Variants in ATAD1 observed in about 807,000 individuals in gnomAD.
ATAD1 encodes the protein outer mitochondrial transmembrane helix translocase.
A neutral mutation model predicts 42.7 loss-of-function variants in ATAD1; 18 were observed. That is an observed-to-expected ratio of 0.42 (90% CI 0.29 to 0.63). The LOEUF (loss-of-function observed/expected upper bound fraction) is 0.63, where lower values mean the gene tolerates loss of function less well. Ranked by LOEUF, ATAD1 falls within the 20% of genes least tolerant of loss-of-function variation. The pLI is 0.19. For missense variants in ATAD1, 294 were observed against 440.4 expected, an observed-to-expected ratio of 0.67 and a Z score of 2.98; for synonymous variants, 132 against 143.1, an observed-to-expected ratio of 0.92 and a Z score of 0.55.
Position 87,784,600 on chromosome 10 carries a change from G to C in ATAD1, c.453C>G (p.Gly151=), listed in dbSNP as rs1472498176. 1 of 1,613,286 alleles carries C rather than the reference G, an allele frequency of 6.2e-7. No homozygotes were observed. Among genetic ancestry groups the C allele is most frequent in the Non-Finnish European group, 8.5e-7 (1 of 1,179,922 alleles). The change falls in exon 5 of 10, where the codon GGC becomes GGG. Residue 151 remains glycine (G), a synonymous_variant. Transcript: ENST00000680024. ...AAGGCTGAAGGTTAATAAATCGACA[G>C]CCTGCTTCTTTGGCTGTGGCCTTGG... ...LIAKATAKEA[G]CRFINLQPST...
chr10:87,776,526 T>TGGCGCAATTAC (rs1357110055), intron 5 of ATAD1, 99 bp from the exon 6 acceptor site: 10 of 910,924 alleles, frequency 1.1e-5, no homozygotes, highest in Non-Finnish European at 1.5e-5. Context: ...TGGGGTGCAA[T>TGGCGCAATTAC]GGCGCAATTA....
chr10:87,755,607 A>AT (rs1360864551), intron 9 of ATAD1, among the ~76,000 whole-genome samples: 2 of 152,062 alleles, frequency 1.3e-5, no homozygotes, highest in East Asian at 3.9e-4. Flanking sequence ...TCTTAATCTT[A>AT]TATATAAGAA....
intron 6 of ATAD1, among the ~76,000 whole-genome samples, chr10:87,773,413 G>A (rs1020062605): frequency 6.6e-6 from 1 of 152,104 alleles, no homozygotes; most frequent in Admixed American, 6.6e-5. Flanking sequence ...AAGAAAGCTA[G>A]CTAGGGTACT....
chr10:87,839,549 G>C (rs1423612780), intron 1 of ATAD1, among the ~76,000 whole-genome samples: 3 of 152,186 alleles, frequency 2.0e-5, no homozygotes, highest in African/African-American at 7.2e-5. Flanking sequence ...ACCATCAAGA[G>C]AAGGACAAGT....
chr10:87,814,395 T>C, intron 2 of ATAD1, 43 bp downstream of exon 2: 1 of 1,518,078 alleles, frequency 6.6e-7, no homozygotes, highest in Non-Finnish European at 8.8e-7. Context: ...GGAAAATACT[T>C]GTTAGCCACA....
At chr10:87,826,453 G>A (rs1184640208) in intron 1 of ATAD1, among the ~76,000 whole-genome samples, 2 of 152,178 alleles carry the variant, frequency 1.3e-5, no homozygotes, top group African/African-American at 4.8e-5. Context: ...ATCAGAAAAG[G>A]GGAGAGTAAA....
chr10:87,754,525 C>T lies in ATAD1; in HGVS notation c.*162G>A, dbSNP rs1854134371. On this transcript the variant is annotated 3_prime_UTR_variant, in exon 10 of 10. Coordinates refer to ENST00000680024, the MANE Select transcript of ATAD1 (RefSeq NM_001321967.2). ...TGATTTTTGACCAACAGTAATACCA[C>T]CTATGTAACAACTATATCTCAATAA... 1 of 795,430 alleles carries T rather than the reference C, an allele frequency of 1.3e-6. No homozygotes were observed. Among genetic ancestry groups the T allele is most frequent in the Admixed American group, 3.4e-5 (1 of 29,320 alleles). The allele number at this position is 795,430 out of a possible 1,614,324, so 49.3% of individuals were successfully genotyped here. A position where few individuals can be genotyped will look rare whatever the true frequency, so the allele number is the denominator to read the frequency against.
intron 1 of ATAD1, chr10:87,831,980 G>A (rs1206124495): frequency 6.6e-6 from 1 of 151,656 alleles, no homozygotes; most frequent in Non-Finnish European, 1.5e-5. Flanking sequence ...AAGTCCTAAA[G>A]CCAGGATTGT....
intron 8 of ATAD1, among the ~76,000 whole-genome samples, chr10:87,763,656 C>G (rs1385327481): frequency 6.6e-6 from 1 of 151,734 alleles, no homozygotes; most frequent in Non-Finnish European, 1.5e-5. Flanking sequence ...CTGGGTAATA[C>G]AGTGAGACCC....
chr10:87,759,096 C>G (rs565881907), intron 8 of ATAD1, among the ~76,000 whole-genome samples: 1 of 152,282 alleles, frequency 6.6e-6, no homozygotes, highest in South Asian at 2.1e-4. Flanking sequence ...CTTCTCTATT[C>G]TCTTTCCTTT....
chr10:87,812,629 A>G (rs1489296068), intron 2 of ATAD1, among the ~76,000 whole-genome samples: 1 of 152,188 alleles, frequency 6.6e-6, no homozygotes, highest in Non-Finnish European at 1.5e-5. Context: ...CCAAGAAGCT[A>G]TAGCCGTTGG....
intron 8 of ATAD1, chr10:87,759,772 G>A (rs572604773): frequency 4.4e-6 from 2 of 455,656 alleles, no homozygotes; most frequent in East Asian, 1.4e-4. Flanking sequence ...ACTTCTCTGG[G>A]TTTCAGTTTC....
At chr10:87,817,371 T>C (rs975100849) in intron 1 of ATAD1, among the ~76,000 whole-genome samples, 5 of 152,376 alleles carry the variant, frequency 3.3e-5, no homozygotes, top group South Asian at 4.1e-4. Flanking sequence ...TATACGATGA[T>C]AGTGCTGTAT....
intron 1 of ATAD1, among the ~76,000 whole-genome samples, chr10:87,838,625 T>G (rs953156953): frequency 6.6e-6 from 1 of 152,146 alleles, no homozygotes; most frequent in African/African-American, 2.4e-5. Context: ...GTAATGGTAT[T>G]TAGCAATGAG....
At chr10:87,797,032 T>C (rs2131967354) in intron 2 of ATAD1, among the ~76,000 whole-genome samples, 1 of 152,348 alleles carries the variant, frequency 6.6e-6, no homozygotes, top group African/African-American at 2.4e-5. Flanking sequence ...ACTTTTTTCC[T>C]GCTTCTAGGA....
At chr10:87,818,871 C>T (rs1395140436), upstream of ATAD1, 1 of 152,292 alleles carries the variant, frequency 6.6e-6, no homozygotes, top group Non-Finnish European at 1.5e-5. Flanking sequence ...TTGGTGATTT[C>T]CCTTTTTCTT....
At chr10:87,791,406 T>C (rs1212082045) in intron 3 of ATAD1, among the ~76,000 whole-genome samples, 4 of 149,872 alleles carry the variant, frequency 2.7e-5, no homozygotes, top group South Asian at 2.1e-4. Flanking sequence ...TCCTTCAAAA[T>C]GTAAAAAAAA....
intron 1 of ATAD1, among the ~76,000 whole-genome samples, chr10:87,827,818 A>G (rs770514958): frequency 3.0e-4 from 46 of 152,324 alleles, no homozygotes; most frequent in Non-Finnish European, 5.7e-4. Context: ...CACATCTCTC[A>G]CTTTAAATCA....
intron 6 of ATAD1, among the ~76,000 whole-genome samples, chr10:87,773,577 G>C (rs1855151972): frequency 6.6e-6 from 1 of 152,140 alleles, no homozygotes; most frequent in Admixed American, 6.6e-5. Flanking sequence ...AGTGACCGCA[G>C]TTTAATAAAA....
Sources: allele counts gnomAD v4.1 joint callset (sites outside exome capture counted in the v4.1 genomes callset), GRCh38; gene constraint gnomAD v4.1.1; transcripts MANE v1.5; gene names NCBI Gene and HGNC (gene_info 2026-07-23, HGNC 2026-07-21).